Variants in RNF182 observed in about 807,000 individuals in gnomAD.
The protein encoded by RNF182 is ring finger protein 182, also known as E3 ubiquitin-protein ligase RNF182.
A neutral mutation model predicts 14.4 loss-of-function variants in RNF182; 15 were observed. The ratio of observed to expected loss-of-function variants is 1.04; its 90% confidence interval spans 0.70 to 1.60. The LOEUF is 1.60. Among genes scored for constraint, RNF182 ranks in the 40% most tolerant of loss-of-function variants. RNF182 has a pLI of 0.00. For missense variants in RNF182, 268 were observed against 294.8 expected (o/e 0.91, Z 0.67); for synonymous variants, 128 against 122.9 (o/e 1.04, Z -0.27).
chr6:13,963,686 A>G lies in RNF182; in HGVS notation c.-366-10524A>G, dbSNP rs552672837. On this transcript the variant is annotated intron_variant, in intron 1 of 2. Transcript: ENST00000488300. ...CTTTGATGGTGGTCTCAGAATTCCA[A>G]GAGAGCAAGAGCAGAAGCTTCAAGA... 1.5e-4 allele frequency among the ~76,000 whole-genome samples: 23 copies of G among 152,318 alleles called. No homozygotes were observed. The South Asian group carries it at 4.3e-3, about 29-fold the overall frequency.
At position 13,979,664 on chromosome 6, in the gene RNF182, T is replaced by C. The variant is rs1760441622; in HGVS notation, c.*1801T>C. The C allele has an allele frequency of 1.2e-5, 2 of 166,646 alleles. No individual in the cohort carries two copies. The highest frequency in any genetic ancestry group is 1.5e-5 in the Non-Finnish European group (1 of 68,098). 10.3% of individuals were successfully genotyped at this position (166,646 alleles called of 1,614,324 possible). A position where few individuals can be genotyped will look rare whatever the true frequency, so the allele number is the denominator to read the frequency against. On this transcript the variant is annotated 3_prime_UTR_variant, in exon 3 of 3. Transcript: ENST00000488300. ...GTAAATACCATGTTTAGAAGATGTTTTGTGGTTTGGATTTATATATTTGTA... is the reference window on the plus strand; with the variant it reads ...GTAAATACCATGTTTAGAAGATGTTCTGTGGTTTGGATTTATATATTTGTA...
intron 1 of RNF182, among the ~76,000 whole-genome samples, chr6:13,972,083 G>A (rs1273101345): frequency 2.0e-5 from 3 of 151,962 alleles, no homozygotes; most frequent in South Asian, 2.1e-4. Context: ...GGCAGATCAC[G>A]AGATCAGGAG....
At position 13,977,441 on chromosome 6, in the gene RNF182, C is replaced by T. The variant is rs533192879; in HGVS notation, c.322C>T (p.Leu108=). The T allele has an allele frequency of 3.1e-6, 5 of 1,614,166 alleles. No individual in the cohort carries two copies. In the South Asian group the frequency reaches 5.5e-5, roughly 18 times the overall value. The change falls in exon 3 of 3, where the codon CTG becomes TTG. Residue 108 remains leucine (L), a synonymous_variant. Transcript: ENST00000488300. ...GTGCCTGCCAGAGAACCCTACTGAG[C>T]TGCTGCTCACCCCCAAGAGGCTGGC... The part of the protein sequence containing the change: ...KKCLPENPTE[L]LLTPKRLASL...
At position 13,957,142 on chromosome 6, in the gene RNF182, A is replaced by G. The variant is rs184124041; in HGVS notation, c.-366-17068A>G. Among the ~76,000 whole-genome samples, 313 of 152,342 alleles carry G rather than the reference A, an allele frequency of 2.1e-3. 1 individual carries two copies. Among genetic ancestry groups the G allele is most frequent in the Admixed American group, 3.1e-3 (47 of 15,304 alleles). ...CACACGGCAAAACTACTTAATATAC[A>G]ATAAATATAAAACTATCTTTCCTAG... On this transcript the variant is annotated intron_variant, in intron 1 of 2. Transcript: ENST00000488300.
intron 1 of RNF182, chr6:13,949,005 A>T: frequency 2.2e-6 from 1 of 447,596 alleles, no homozygotes; most frequent in South Asian, 4.7e-5. Flanking sequence ...AATCATACGG[A>T]CAAAATCTAC....
At chr6:13,928,140 A>G (rs192617875) in intron 1 of RNF182, among the ~76,000 whole-genome samples, 9 of 152,340 alleles carry the variant, frequency 5.9e-5, no homozygotes, top group Non-Finnish European at 1.2e-4. Context: ...TAAAATGGAG[A>G]TAAGATGTCT....
Position 13,924,978 on chromosome 6 carries a change from C to T in RNF182, c.-412C>T, listed in dbSNP as rs1225205175. 1 of 150,168 alleles carries T rather than the reference C, an allele frequency of 6.7e-6. No individual in the cohort carries two copies. Among genetic ancestry groups the T allele is most frequent in the Non-Finnish European group, 1.5e-5 (1 of 67,476 alleles). The allele number at this position is 150,168 out of a possible 1,614,324, so 9.3% of individuals were successfully genotyped here. A position where few individuals can be genotyped will look rare whatever the true frequency, so the allele number is the denominator to read the frequency against. The stretch of plus-strand genomic sequence containing the variant: ...GGAACCTCCCTCCCCTCCCAGGCGC[C>T]GCCGCAGCCGGAGCGGCTCCCGGGC... On this transcript the variant is annotated 5_prime_UTR_variant, in exon 1 of 3. Coordinates refer to ENST00000488300, the MANE Select transcript of RNF182 (RefSeq NM_152737.4).
chr6:13,958,761 G>A (rs1416770730), intron 1 of RNF182, among the ~76,000 whole-genome samples: 1 of 152,112 alleles, frequency 6.6e-6, no homozygotes, highest in Non-Finnish European at 1.5e-5. Context: ...GAAAATAAGG[G>A]GTAAGGGATT....
At position 13,938,102 on chromosome 6, in the gene RNF182, G is replaced by A. The variant is rs190967054; in HGVS notation, c.-367+13079G>A. 3.6e-3 allele frequency among the ~76,000 whole-genome samples: 479 copies of A among 133,876 alleles called. 1 individual carries two copies. Among genetic ancestry groups the A allele is most frequent in the African/African-American group, 0.011 (418 of 36,668 alleles). 87.8% of individuals were successfully genotyped at this position (133,876 alleles called of 152,430 possible). A position where few individuals can be genotyped will look rare whatever the true frequency, so the allele number is the denominator to read the frequency against. On this transcript the variant is annotated intron_variant, in intron 1 of 2. Transcript: ENST00000488300. The stretch of plus-strand genomic sequence containing the variant: ...TGCAAACTCCGCCTACCGGGTTCAC[G>A]CCATTCTCCTGCCTCGGTCTCTGCG...
intron 1 of RNF182, among the ~76,000 whole-genome samples, chr6:13,942,124 TG>T (rs1759314221): frequency 6.6e-6 from 1 of 152,198 alleles, no homozygotes; most frequent in South Asian, 2.1e-4. Flanking sequence ...GTAATTTCAT[TG>T]TCCTCTGTTT....
At chr6:13,967,108 G>T (rs988634659) in intron 1 of RNF182, among the ~76,000 whole-genome samples, 1 of 152,130 alleles carries the variant, frequency 6.6e-6, no homozygotes, top group Admixed American at 6.5e-5. Context: ...AAAGTGCTGG[G>T]ATTACAGGCT....
chr6:13,936,509 G>A (rs886876401), intron 1 of RNF182, among the ~76,000 whole-genome samples: 1 of 152,182 alleles, frequency 6.6e-6, no homozygotes, highest in East Asian at 1.9e-4. Flanking sequence ...AGTTTAAAAA[G>A]GGGAACATTT....
chr6:13,951,906 T>C lies in RNF182; in HGVS notation c.-366-22304T>C, dbSNP rs1355688223. Among the ~76,000 whole-genome samples the C allele has an allele frequency of 2.2e-4, 33 of 152,198 alleles. 1 individual carries two copies. Among genetic ancestry groups the C allele is most frequent in the Non-Finnish European group, 4.7e-4 (32 of 68,028 alleles). On this transcript the variant is annotated intron_variant, in intron 1 of 2. Transcript: ENST00000488300. ...CAGAGCAAAATACACATGACAAACT[T>C]AGATACTAGTCACCCCACTCATCAC...
intron 1 of RNF182, among the ~76,000 whole-genome samples, chr6:13,931,180 C>T (rs1378663823): frequency 1.3e-5 from 2 of 152,162 alleles, no homozygotes; most frequent in South Asian, 2.1e-4. Context: ...AACCCCTATC[C>T]TCAAGTCTAT....
intron 1 of RNF182, among the ~76,000 whole-genome samples, chr6:13,953,056 ACAGGACAT>A (rs1759635836): frequency 6.6e-6 from 1 of 152,226 alleles, no homozygotes; most frequent in Non-Finnish European, 1.5e-5. Flanking sequence ...TGTTCATAAG[ACAGGACAT>A]CAGGACATTT....
intron 1 of RNF182, among the ~76,000 whole-genome samples, chr6:13,929,780 A>G (rs1241630294): frequency 6.6e-6 from 1 of 152,138 alleles, no homozygotes; most frequent in Admixed American, 6.5e-5. Context: ...AGCAAGCTTT[A>G]TTTTCTGTTT....
chr6:13,940,202 T>C (rs1026010959), intron 1 of RNF182, among the ~76,000 whole-genome samples: 17 of 152,358 alleles, frequency 1.1e-4, no homozygotes, highest in African/African-American at 3.8e-4. Flanking sequence ...TTAATAGATA[T>C]TTTAATCATG....
rs554771537 is a variant in RNF182 at position 13,960,366 on chromosome 6, G to T, written c.-366-13844G>T. Among the ~76,000 whole-genome samples the T allele has an allele frequency of 3.3e-5, 5 of 152,264 alleles. No individual in the cohort carries two copies. In the South Asian group the frequency reaches 1.0e-3, roughly 32 times the overall value. Reference sequence around the variant, plus strand: ...AAGAATTAAAACCTAACTTGGCCAGGTGCAATGGCTTATATCTGTAATCCC... The same window carrying T: ...AAGAATTAAAACCTAACTTGGCCAGTTGCAATGGCTTATATCTGTAATCCC... On this transcript the variant is annotated intron_variant, in intron 1 of 2. Coordinates refer to ENST00000488300, the MANE Select transcript of RNF182 (RefSeq NM_152737.4).
Position 13,925,821 on chromosome 6 carries a change from G to C in RNF182, c.-367+798G>C, listed in dbSNP as rs116632041. Among the ~76,000 whole-genome samples, 700 of 152,328 alleles carry C rather than the reference G, an allele frequency of 4.6e-3. 9 individuals carry two copies. Among genetic ancestry groups the C allele is most frequent in the African/African-American group, 0.015 (632 of 41,560 alleles). On this transcript the variant is annotated intron_variant, in intron 1 of 2. Coordinates refer to ENST00000488300, the MANE Select transcript of RNF182 (RefSeq NM_152737.4). The stretch of plus-strand genomic sequence containing the variant: ...GGGCGGTGTTTGCATCGGTGTTTAT[G>C]AGTGGGATGATGAGGACCACGATGC...
Sources: gnomAD v4.1 joint callset for allele counts (sites outside exome capture counted in the v4.1 genomes callset) on GRCh38, gnomAD v4.1.1 for gene constraint, MANE v1.5 for transcripts, NCBI Gene and HGNC (gene_info 2026-07-23, HGNC 2026-07-21) for gene names.